The following CSMD3 variants were observed in gnomAD, a reference collection of about 807,000 sequenced individuals.
The protein encoded by CSMD3 is CUB and sushi domain-containing protein 3.
CSMD3 carries 177 observed loss-of-function variants against 435.2 expected under a neutral mutation model. The ratio of observed to expected loss-of-function variants is 0.41; its 90% confidence interval spans 0.36 to 0.46. CSMD3 has a LOEUF of 0.46. Ranked by LOEUF, CSMD3 falls within the 20% of genes least tolerant of loss-of-function variation. The probability of loss-of-function intolerance (pLI) is 0.34; values close to 1 mark genes in which losing one functional copy is unlikely to be tolerated. For missense variants in CSMD3, 4,265 were observed against 4,504.6 expected, an observed-to-expected ratio of 0.95 and a Z score of 1.52; for synonymous variants, 1,656 against 1,520.5, an observed-to-expected ratio of 1.09 and a Z score of -2.07.
At chr8:112,339,783 C>G (rs1271940513) in intron 42 of CSMD3, among the ~76,000 whole-genome samples, 1 of 152,106 alleles carries the variant, frequency 6.6e-6, no homozygotes, top group Non-Finnish European at 1.5e-5. Context: ...ATAATATTGA[C>G]TCTGTGAATA....
intron 5 of CSMD3, among the ~76,000 whole-genome samples, chr8:113,053,046 T>C (rs1428052734): frequency 2.6e-5 from 4 of 152,174 alleles, no homozygotes; most frequent in Non-Finnish European, 5.9e-5. Context: ...CCTGTATTTT[T>C]TTCAATCAAG....
At chr8:112,332,829 C>T (rs1824192513) in intron 45 of CSMD3, among the ~76,000 whole-genome samples, 1 of 152,092 alleles carries the variant, frequency 6.6e-6, no homozygotes, top group Non-Finnish European at 1.5e-5. Context: ...ATCTGCTCTG[C>T]CAGGCATTAT....
At position 112,304,864 on chromosome 8, in the gene CSMD3, C is replaced by T. The variant is rs772129152; in HGVS notation, c.8123G>A (p.Arg2708Gln). ...NSFILEHGRW[R>Q]IVNGSHYEYK... ...TTCATAATGGGAGCCATTCACAATT[C>T]GCCATCTTCCATGTTCCAAGATAAA... The change falls in exon 52 of 71, where the codon CGA becomes CAA. Residue 2708 changes from arginine to glutamine, a missense_variant. Transcript: ENST00000297405. 52 of 1,613,694 alleles carry T rather than the reference C, an allele frequency of 3.2e-5. 1 individual carries two copies. In the South Asian group the frequency reaches 3.7e-4, roughly 12 times the overall value.
At chr8:112,444,021 G>A (rs973991349) in intron 32 of CSMD3, among the ~76,000 whole-genome samples, 5 of 152,162 alleles carry the variant, frequency 3.3e-5, no homozygotes, top group African/African-American at 1.2e-4. Context: ...AATTCATATT[G>A]TATTACAATG....
intron 1 of CSMD3, among the ~76,000 whole-genome samples, chr8:113,418,913 A>G (rs550585473): frequency 1.3e-5 from 2 of 152,274 alleles, no homozygotes; most frequent in East Asian, 3.9e-4. Flanking sequence ...ACAGGGGACA[A>G]ACTTAACTGG....
chr8:112,900,352 G>T (rs72680292), intron 10 of CSMD3, among the ~76,000 whole-genome samples: 6,234 of 151,312 alleles, frequency 0.041, 173 homozygotes, highest in Non-Finnish European at 0.06. Flanking sequence ...TTAAATTTTG[G>T]AAGATGAGAT....
chr8:112,695,427 A>G (rs2076229542), intron 13 of CSMD3, among the ~76,000 whole-genome samples: 2 of 152,198 alleles, frequency 1.3e-5, no homozygotes, highest in South Asian at 4.1e-4. Flanking sequence ...CTGGTTCAAC[A>G]TATGCAAATC....
intron 13 of CSMD3, among the ~76,000 whole-genome samples, chr8:112,744,664 T>TAATTTTATTTA (rs1368798166): frequency 6.6e-6 from 1 of 152,060 alleles, no homozygotes; most frequent in Non-Finnish European, 1.5e-5. Flanking sequence ...TATTTTTAAT[T>TAATTTTATTTA]ATTAAATAAA....
intron 3 of CSMD3, among the ~76,000 whole-genome samples, chr8:113,248,468 G>GTATATATAC (rs1468447111): frequency 0.015 from 5 of 324 alleles, no homozygotes; most frequent in Non-Finnish European, 0.053. Context: ...GTGTGTGTGT[G>GTATATATAC]ATATATATGT....
At chr8:113,372,031 A>T (rs2094348765) in intron 1 of CSMD3, among the ~76,000 whole-genome samples, 1 of 151,986 alleles carries the variant, frequency 6.6e-6, no homozygotes, top group South Asian at 2.1e-4. Flanking sequence ...CACACTAGTT[A>T]AAAAAAATTA....
At chr8:112,598,452 T>C (rs1831975828) in intron 22 of CSMD3, among the ~76,000 whole-genome samples, 2 of 147,936 alleles carry the variant, frequency 1.4e-5, no homozygotes, top group Non-Finnish European at 3.0e-5. Context: ...CCCAAGGTAA[T>C]TTACAGATTC....
intron 11 of CSMD3, among the ~76,000 whole-genome samples, chr8:112,852,312 G>T (rs2080514747): frequency 6.6e-6 from 1 of 152,106 alleles, no homozygotes; most frequent in African/African-American, 2.4e-5. Context: ...TAAAATATCA[G>T]TTTAGGACTG....
intron 4 of CSMD3, among the ~76,000 whole-genome samples, chr8:113,126,639 CA>C (rs2091140155): frequency 6.6e-6 from 1 of 151,494 alleles, no homozygotes; most frequent in Admixed American, 6.6e-5. Context: ...GTAGATTGGC[CA>C]AAGGATAAAA....
At chr8:113,292,032 C>G (rs1043429416) in intron 2 of CSMD3, among the ~76,000 whole-genome samples, 1 of 151,632 alleles carries the variant, frequency 6.6e-6, no homozygotes, top group Non-Finnish European at 1.5e-5. Flanking sequence ...TAGCATTTTA[C>G]CATATTTTAT....
At chr8:113,195,061 A>G (rs2092634899) in intron 3 of CSMD3, among the ~76,000 whole-genome samples, 1 of 151,166 alleles carries the variant, frequency 6.6e-6, no homozygotes, top group Admixed American at 6.6e-5. Flanking sequence ...CCTCTACTTC[A>G]CTGACATCAA....
chr8:112,723,241 T>A (rs2076898482), intron 13 of CSMD3, among the ~76,000 whole-genome samples: 1 of 152,182 alleles, frequency 6.6e-6, no homozygotes, highest in African/African-American at 2.4e-5. Context: ...TTATGACTAC[T>A]CATTTTCTTA....
At chr8:113,420,980 A>G (rs2129942498) in intron 1 of CSMD3, among the ~76,000 whole-genome samples, 1 of 152,258 alleles carries the variant, frequency 6.6e-6, no homozygotes, top group South Asian at 2.1e-4. Context: ...TGACTTGTAT[A>G]AATATTAGCA....
At chr8:112,802,099 T>G (rs2078974689) in intron 12 of CSMD3, among the ~76,000 whole-genome samples, 1 of 151,910 alleles carries the variant, frequency 6.6e-6, no homozygotes, top group Admixed American at 6.6e-5. Context: ...TGTAAGGGTA[T>G]ATGTCATCTA....
intron 22 of CSMD3, among the ~76,000 whole-genome samples, chr8:112,614,152 G>T (rs900879723): frequency 2.0e-5 from 3 of 152,080 alleles, no homozygotes; most frequent in Admixed American, 6.6e-5. Flanking sequence ...AGCATTGCAG[G>T]CAGAGGGAAT....
Sources: allele counts gnomAD v4.1 joint callset (sites outside exome capture counted in the v4.1 genomes callset), GRCh38; gene constraint gnomAD v4.1.1; transcripts MANE v1.5; gene names NCBI Gene and HGNC (gene_info 2026-07-23, HGNC 2026-07-21).